Variants in SDK1 observed in about 807,000 individuals in gnomAD.
The protein encoded by SDK1 is sidekick cell adhesion molecule 1, also known as protein sidekick-1.
A neutral mutation model predicts 245.5 loss-of-function variants in SDK1; 157 were observed. That is an observed-to-expected ratio of 0.64 (90% CI 0.56 to 0.73). The LOEUF is 0.73. Ranked by LOEUF, SDK1 falls within the 30% of genes least tolerant of loss-of-function variation. The pLI, the probability that SDK1 is intolerant of heterozygous loss-of-function variation, is 0.00. For missense variants in SDK1, 3,583 were observed against 3,002.3 expected (o/e 1.19, Z -4.52); for synonymous variants, 1,647 against 1,278.5 (o/e 1.29, Z -6.15).
chr7:3,782,716 C>T (rs371145352), intron 4 of SDK1, among the ~76,000 whole-genome samples: 54 of 152,122 alleles, frequency 3.5e-4, no homozygotes, highest in African/African-American at 1.2e-3. Context: ...GAATATGTAA[C>T]GCAAGGGTAT....
intron 4 of SDK1, among the ~76,000 whole-genome samples, chr7:3,738,990 A>T (rs1394146255): frequency 2.0e-5 from 3 of 150,756 alleles, no homozygotes; most frequent in Non-Finnish European, 4.4e-5. Flanking sequence ...ATATTTCCTT[A>T]TTTTTTTCTT....
At chr7:3,575,558 T>TA (rs1780259898) in intron 1 of SDK1, among the ~76,000 whole-genome samples, 2 of 152,014 alleles carry the variant, frequency 1.3e-5, no homozygotes, top group Non-Finnish European at 2.9e-5. Flanking sequence ...TGGCTGTAGA[T>TA]AGTGCTTTTT....
At chr7:3,904,238 A>C (rs1267266325) in intron 5 of SDK1, among the ~76,000 whole-genome samples, 1 of 152,234 alleles carries the variant, frequency 6.6e-6, no homozygotes, top group Non-Finnish European at 1.5e-5. Context: ...AAAATACACA[A>C]ATCTATAGAG....
chr7:3,781,296 C>T (rs1307424348), intron 4 of SDK1, among the ~76,000 whole-genome samples: 1 of 152,082 alleles, frequency 6.6e-6, no homozygotes, highest in African/African-American at 2.4e-5. Context: ...ACAGGGAAGC[C>T]AGGCCCACAA....
chr7:3,857,049 T>C (rs572758120), intron 5 of SDK1, among the ~76,000 whole-genome samples: 38 of 152,186 alleles, frequency 2.5e-4, no homozygotes, highest in African/African-American at 8.7e-4. Context: ...TAAGGATGGT[T>C]CAGAATTACA....
chr7:3,425,185 C>G (rs1378040204), intron 1 of SDK1, among the ~76,000 whole-genome samples: 5 of 148,426 alleles, frequency 3.4e-5, no homozygotes, highest in Non-Finnish European at 7.4e-5. Flanking sequence ...TTCTGTTTTT[C>G]TTCCCCATAA....
Position 3,532,714 on chromosome 7 carries a change from C to G in SDK1, c.299-86366C>G, listed in dbSNP as rs111666905. Among the ~76,000 whole-genome samples the G allele has an allele frequency of 2.2e-3, 340 of 152,254 alleles. 1 individual carries two copies. The highest frequency in any genetic ancestry group is 7.7e-3 in the African/African-American group (320 of 41,540). On this transcript the variant is annotated intron_variant, in intron 1 of 44. Coordinates refer to ENST00000404826, the MANE Select transcript of SDK1 (RefSeq NM_152744.4). ...GGATTCTTGCCTCTCACTTTCTTAC[C>G]TATGTTGGAAACTAGAGTCATCCTA...
intron 1 of SDK1, among the ~76,000 whole-genome samples, chr7:3,593,158 C>T (rs997136773): frequency 2.0e-5 from 3 of 152,218 alleles, no homozygotes; most frequent in African/African-American, 7.2e-5. Flanking sequence ...AGGAGTCTTA[C>T]TCATCATCAA....
At chr7:3,728,676 G>C (rs531937499) in intron 4 of SDK1, among the ~76,000 whole-genome samples, 105 of 152,316 alleles carry the variant, frequency 6.9e-4, no homozygotes, top group African/African-American at 2.5e-3. Context: ...CACGATCTCA[G>C]CTTACTGTAT....
intron 17 of SDK1, among the ~76,000 whole-genome samples, chr7:4,021,020 C>G (rs1786847062): frequency 6.6e-6 from 1 of 152,162 alleles, no homozygotes; most frequent in African/African-American, 2.4e-5. Flanking sequence ...GGCCATTACA[C>G]TGGAAGAGAT....
chr7:3,852,597 A>G (rs1277995850), intron 5 of SDK1, among the ~76,000 whole-genome samples: 2 of 151,428 alleles, frequency 1.3e-5, no homozygotes, highest in African/African-American at 4.9e-5. Flanking sequence ...AAATACAAAA[A>G]AAAATTAGCC....
chr7:3,604,109 A>T (rs1017557145), intron 1 of SDK1, among the ~76,000 whole-genome samples: 3 of 152,158 alleles, frequency 2.0e-5, no homozygotes, highest in African/African-American at 7.2e-5. Flanking sequence ...GGATTTTTGC[A>T]TCGATGTTCA....
In SDK1 at chr7:4,052,694, A is replaced by G. The variant is rs149662795; in HGVS notation, c.2911+864A>G. On this transcript the variant is annotated intron_variant, in intron 19 of 44. Coordinates refer to ENST00000404826, the MANE Select transcript of SDK1 (RefSeq NM_152744.4). ...CACAAATTTAAGACTTGTTATCCCT[A>G]TGTGGTATCATTATGAGTAGTTTTG... Among the ~76,000 whole-genome samples the G allele has an allele frequency of 2.2e-4, 33 of 152,242 alleles. No individual in the cohort carries two copies. The East Asian group carries it at 6.2e-3, about 28-fold the overall frequency.
intron 1 of SDK1, among the ~76,000 whole-genome samples, chr7:3,611,990 C>T (rs1386178409): frequency 6.6e-6 from 1 of 152,072 alleles, no homozygotes; most frequent in East Asian, 1.9e-4. Flanking sequence ...AGTGAAGTAA[C>T]TGGGGAATGG....
intron 23 of SDK1, among the ~76,000 whole-genome samples, chr7:4,112,493 C>T (rs934974154): frequency 2.5e-4 from 38 of 152,158 alleles, no homozygotes; most frequent in African/African-American, 7.0e-4. Flanking sequence ...TGCAGAGTGC[C>T]GTTGATCATT....
At position 3,869,164 on chromosome 7, in the gene SDK1, T is replaced by C. The variant is rs112309750; in HGVS notation, c.847+47581T>C. Among the ~76,000 whole-genome samples, 40 of 149,608 alleles carry C rather than the reference T, an allele frequency of 2.7e-4. 2 individuals are homozygous for C. The highest frequency in any genetic ancestry group is 8.6e-4 in the African/African-American group (35 of 40,648). On this transcript the variant is annotated intron_variant, in intron 5 of 44. Coordinates refer to ENST00000404826, the MANE Select transcript of SDK1 (RefSeq NM_152744.4). The stretch of plus-strand genomic sequence containing the variant: ...TGTATTTTTCATTTCTTTTTTTTTT[T>C]TTTTTTTTTGAGGCAGGGTCTCACT...
chr7:3,780,632 T>C (rs981059545), intron 4 of SDK1, among the ~76,000 whole-genome samples: 1 of 152,024 alleles, frequency 6.6e-6, no homozygotes, highest in Admixed American at 6.6e-5. Flanking sequence ...CAGGAAGACA[T>C]TCACCTCCTC....
At chr7:3,521,962 T>C (rs1583992963) in intron 1 of SDK1, among the ~76,000 whole-genome samples, 1 of 151,992 alleles carries the variant, frequency 6.6e-6, no homozygotes, top group African/African-American at 2.4e-5. Context: ...AGAGAGAAGG[T>C]GGAGAAGATG....
intron 1 of SDK1, among the ~76,000 whole-genome samples, chr7:3,446,830 T>G (rs2128590346): frequency 6.6e-6 from 1 of 152,320 alleles, no homozygotes; most frequent in Non-Finnish European, 1.5e-5. Flanking sequence ...GTCAAGTGGG[T>G]TTGCTTTGAG....
Sources: gnomAD v4.1 joint callset for allele counts (sites outside exome capture counted in the v4.1 genomes callset) on GRCh38, gnomAD v4.1.1 for gene constraint, MANE v1.5 for transcripts, NCBI Gene and HGNC (gene_info 2026-07-23, HGNC 2026-07-21) for gene names.